The following MCTP2 variants were observed in gnomAD, a reference collection of about 807,000 sequenced individuals.
MCTP2 encodes multiple C2 and transmembrane domain-containing protein 2.
In MCTP2, 132 loss-of-function variants were observed where a neutral mutation model predicts 111.6. The observed-to-expected ratio is 1.18, with a 90% CI of 1.03 to 1.37. The LOEUF (loss-of-function observed/expected upper bound fraction) is 1.37, where lower values mean the gene tolerates loss of function less well. Among genes scored for constraint, MCTP2 ranks in the 40% most tolerant of loss-of-function variants. The pLI is 0.00. For missense variants in MCTP2, 1,183 were observed against 1,067.9 expected (o/e 1.11, Z -1.50); for synonymous variants, 395 against 387.7 (o/e 1.02, Z -0.22).
chr15:94,249,249 C>G (rs542634705), intron 1 of MCTP2, among the ~76,000 whole-genome samples: 1 of 152,150 alleles, frequency 6.6e-6, no homozygotes, highest in African/African-American at 2.4e-5. Flanking sequence ...TGTGGACTTT[C>G]CTGTATTGGC....
At chr15:94,354,105 A>C (rs1329369690) in intron 8 of MCTP2, among the ~76,000 whole-genome samples, 7 of 151,998 alleles carry the variant, frequency 4.6e-5, no homozygotes, top group Admixed American at 1.3e-4. Flanking sequence ...ATTCCTATAC[A>C]TATATTCCCA....
At chr15:94,358,791 T>C (rs1241389303) in intron 10 of MCTP2, among the ~76,000 whole-genome samples, 179 bp downstream of exon 10, 2 of 152,218 alleles carry the variant, frequency 1.3e-5, no homozygotes, top group Non-Finnish European at 2.9e-5. Context: ...TTTTTGTTTG[T>C]TTAATTGGGA....
At chr15:94,476,944 G>A (rs2074413926) in intron 22 of MCTP2, 151 bp downstream of exon 22, 1 of 576,028 alleles carries the variant, frequency 1.7e-6, no homozygotes. Context: ...AGAAGTGGCA[G>A]AAAAATCTTT....
intron 4 of MCTP2, among the ~76,000 whole-genome samples, chr15:94,316,696 T>C (rs764458889): frequency 1.3e-5 from 2 of 152,238 alleles, no homozygotes; most frequent in South Asian, 2.1e-4. Context: ...CCCAGTCTGT[T>C]GCTTATCCTT....
chr15:94,443,065 AAT>A, intron 19 of MCTP2, 105 bp downstream of exon 19: 1 of 670,488 alleles, frequency 1.5e-6, no homozygotes, highest in Non-Finnish European at 2.3e-6. Flanking sequence ...TTTTTTTTTT[AAT>A]ATGATAGAGT....
intron 1 of MCTP2, among the ~76,000 whole-genome samples, chr15:94,266,562 A>T (rs2073547678): frequency 6.6e-6 from 1 of 152,196 alleles, no homozygotes; most frequent in South Asian, 2.1e-4. Flanking sequence ...ATACACGCTG[A>T]AGTTCAGATA....
At chr15:94,416,300 T>G (rs185930828) in intron 17 of MCTP2, among the ~76,000 whole-genome samples, 1 of 152,130 alleles carries the variant, frequency 6.6e-6, no homozygotes, top group East Asian at 1.9e-4. Flanking sequence ...CATGAGATTT[T>G]CACACTTTTC....
chr15:94,271,949 A>G (rs1000496668), intron 1 of MCTP2, among the ~76,000 whole-genome samples: 3 of 152,244 alleles, frequency 2.0e-5, no homozygotes, highest in Non-Finnish European at 4.4e-5. Flanking sequence ...CTGGAAATTA[A>G]TACCTTTGCC....
intron 1 of MCTP2, among the ~76,000 whole-genome samples, chr15:94,246,897 G>T (rs2072053085): frequency 6.6e-6 from 1 of 152,158 alleles, no homozygotes; most frequent in Admixed American, 6.5e-5. Flanking sequence ...TCATTTGAGA[G>T]ATGCTACTGT....
intron 17 of MCTP2, among the ~76,000 whole-genome samples, chr15:94,428,110 A>G (rs2082982447): frequency 6.6e-6 from 1 of 152,008 alleles, no homozygotes; most frequent in Non-Finnish European, 1.5e-5. Context: ...AGCACCATAC[A>G]TTTTTGCATT....
chr15:94,276,815 C>A (rs1183497380), intron 1 of MCTP2, among the ~76,000 whole-genome samples: 3 of 142,120 alleles, frequency 2.1e-5, no homozygotes, highest in African/African-American at 2.7e-5. Context: ...AGCACTTGTC[C>A]ATCTTAAGAG....
At chr15:94,280,684 A>T (rs1008144934) in intron 1 of MCTP2, among the ~76,000 whole-genome samples, 2 of 152,072 alleles carry the variant, frequency 1.3e-5, no homozygotes, top group African/African-American at 4.8e-5. Flanking sequence ...GTGTGATGTT[A>T]GATTGTTAAT....
At chr15:94,301,126 A>G (rs1167551782) in intron 2 of MCTP2, among the ~76,000 whole-genome samples, 4 of 152,168 alleles carry the variant, frequency 2.6e-5, no homozygotes, top group African/African-American at 9.7e-5. Context: ...CTCAAAAATG[A>G]ATCCTTTGCT....
At chr15:94,476,541 C>T in intron 21 of MCTP2, 155 bp from the exon 22 acceptor site, 1 of 508,058 alleles carries the variant, frequency 2.0e-6, no homozygotes. Context: ...TTGTGAATAT[C>T]CCCTCTCCCC....
At chr15:94,244,870 CTA>C (rs763855844) in intron 1 of MCTP2, among the ~76,000 whole-genome samples, 4 of 141,734 alleles carry the variant, frequency 2.8e-5, no homozygotes, top group African/African-American at 5.3e-5. Context: ...ACATATGCAC[CTA>C]TGTTTATATA....
intron 17 of MCTP2, among the ~76,000 whole-genome samples, chr15:94,418,093 G>A (rs2082457180): frequency 6.6e-6 from 1 of 151,978 alleles, no homozygotes; most frequent in Non-Finnish European, 1.5e-5. Flanking sequence ...ATCTTTCTAT[G>A]AACATAAAGG....
chr15:94,477,883 C>G (rs1337523316), intron 22 of MCTP2, among the ~76,000 whole-genome samples: 1 of 152,100 alleles, frequency 6.6e-6, no homozygotes, highest in Non-Finnish European at 1.5e-5. Context: ...ATAACCCGGC[C>G]CCTGTTTGTT....
intron 1 of MCTP2, among the ~76,000 whole-genome samples, chr15:94,234,699 TTTGGCCA>T (rs1409788228): frequency 1.3e-5 from 2 of 152,220 alleles, no homozygotes; most frequent in Admixed American, 6.5e-5. Flanking sequence ...CAGGGATGCC[TTTGGCCA>T]TTGGCTTTTC....
chr15:94,356,049 A>G, intron 8 of MCTP2, 88 bp from the exon 9 acceptor site: 2 of 1,410,744 alleles, frequency 1.4e-6, no homozygotes, highest in South Asian at 3.8e-5. Context: ...TTATAATTAA[A>G]TACTGAAAGT....
Sources: gnomAD v4.1 joint callset for allele counts (sites outside exome capture counted in the v4.1 genomes callset) on GRCh38, gnomAD v4.1.1 for gene constraint, MANE v1.5 for transcripts, NCBI Gene and HGNC (gene_info 2026-07-23, HGNC 2026-07-21) for gene names.